Variants in SLC5A4 observed in about 807,000 individuals in gnomAD.
SLC5A4 encodes probable glucose sensor protein SLC5A4.
In SLC5A4, 55 loss-of-function variants were observed where a neutral mutation model predicts 70.3. The observed-to-expected ratio is 0.78, with a 90% CI of 0.63 to 0.98. The LOEUF (loss-of-function observed/expected upper bound fraction) is 0.98. Among genes scored for constraint, SLC5A4 ranks in the 50% least tolerant of loss-of-function variants. SLC5A4 has a pLI of 0.00. For missense variants in SLC5A4, 735 were observed against 839.2 expected (o/e 0.88, Z 1.53); for synonymous variants, 268 against 305.7 (o/e 0.88, Z 1.29).
chr22:32,252,045 C>T (rs765845549), intron 2 of SLC5A4, among the ~76,000 whole-genome samples, 171 bp from the exon 3 acceptor site: 10 of 151,768 alleles, frequency 6.6e-5, no homozygotes, highest in Non-Finnish European at 1.5e-4. Flanking sequence ...CTGGCTAACA[C>T]GGTGAGACCC....
At chr22:32,226,224 C>G (rs577867464) in intron 11 of SLC5A4, among the ~76,000 whole-genome samples, 4 of 152,248 alleles carry the variant, frequency 2.6e-5, no homozygotes, top group Admixed American at 2.6e-4. Flanking sequence ...TTGCAGGGAA[C>G]AAAGTTGGTT....
intron 7 of SLC5A4, among the ~76,000 whole-genome samples, chr22:32,235,539 C>T (rs1480188649): frequency 1.3e-5 from 2 of 152,166 alleles, no homozygotes; most frequent in Non-Finnish European, 2.9e-5. Context: ...CAGAGCTTGG[C>T]TCTTTTGATC....
At chr22:32,222,719 G>A (rs528500102) in intron 13 of SLC5A4, among the ~76,000 whole-genome samples, 1 of 152,140 alleles carries the variant, frequency 6.6e-6, no homozygotes, top group South Asian at 2.1e-4. Flanking sequence ...TGTATTTCAG[G>A]TTTCCCATCC....
At chr22:32,335,679 C>A in the SLC5A4 span, among the ~76,000 whole-genome samples, 1 of 152,192 alleles carries the variant, frequency 6.6e-6, no homozygotes, top group Non-Finnish European at 1.5e-5. Flanking sequence ...GGCCCCAGAG[C>A]CCATTGTTCC....
At chr22:32,348,932 A>G in the SLC5A4 span, among the ~76,000 whole-genome samples, 1 of 152,148 alleles carries the variant, frequency 6.6e-6, no homozygotes. Flanking sequence ...ATTTTCTTTC[A>G]GCTAAAAATA....
At chr22:32,236,575 A>T (rs1230489109) in intron 7 of SLC5A4, among the ~76,000 whole-genome samples, 3 of 152,208 alleles carry the variant, frequency 2.0e-5, no homozygotes, top group Non-Finnish European at 2.9e-5. Context: ...CCTTCATTTC[A>T]TAAAAATTCT....
At chr22:32,326,569 T>A in the SLC5A4 span, among the ~76,000 whole-genome samples, 1 of 152,146 alleles carries the variant, frequency 6.6e-6, no homozygotes, top group Non-Finnish European at 1.5e-5. Flanking sequence ...TCATAAATTT[T>A]TCTAAGGGAT....
chr22:32,316,621 T>C, the SLC5A4 span, among the ~76,000 whole-genome samples: 67 of 152,128 alleles, frequency 4.4e-4, 1 homozygote, highest in South Asian at 0.013. Context: ...CCTCTGCCTC[T>C]TGGGTTCAAG....
At position 32,231,086 on chromosome 22, in the gene SLC5A4, A is replaced by G. The variant is rs750674950; in HGVS notation, c.1022-11T>C. ...CACATGCTACCATATCTGGGGAAGAATTCAGAAGTGAGTCCAATGAGGCCC... is the reference window on the plus strand; with the variant it reads ...CACATGCTACCATATCTGGGGAAGAGTTCAGAAGTGAGTCCAATGAGGCCC... On this transcript the variant is annotated splice_polypyrimidine_tract_variant and intron_variant, in intron 9 of 14. Transcript: ENST00000266086. 1.0e-5 allele frequency: 16 copies of G among 1,576,980 alleles called. No individual in the cohort carries two copies. The Admixed American group carries it at 2.3e-4, about 23-fold the overall frequency.
At chr22:32,232,043 C>G (rs1925793707) in intron 9 of SLC5A4, among the ~76,000 whole-genome samples, 1 of 152,080 alleles carries the variant, frequency 6.6e-6, no homozygotes, top group African/African-American at 2.4e-5. Flanking sequence ...CCATGCCTAG[C>G]TACTTTATCT....
chr22:32,248,186 A>G (rs887171957), intron 4 of SLC5A4, among the ~76,000 whole-genome samples: 3 of 152,216 alleles, frequency 2.0e-5, no homozygotes, highest in African/African-American at 7.2e-5. Context: ...AAGAGAAAAA[A>G]TAAGTGAATA....
rs777001632 is a variant in SLC5A4 at position 32,251,825 on chromosome 22, C to G, written c.257G>C (p.Gly86Ala). 6.2e-7 allele frequency: 1 copy of G among 1,614,064 alleles called. No individual in the cohort carries two copies. ...TGAAGCTGCTCCTGTCCCAGCCAGC[C>G]CCACATAGTGGTTGCTGCCGATGTT... ...ASNIGSNHYV[G>A]LAGTGAASGV... The change falls in exon 3 of 15, where the codon GGG (glycine) becomes GCG (alanine). Residue 86 changes from glycine to alanine, a missense_variant. Transcript: ENST00000266086.
intron 1 of SLC5A4, 34 bp from the exon 2 acceptor site, chr22:32,254,247 C>T (rs750874541): frequency 1.9e-6 from 3 of 1,549,618 alleles, no homozygotes; most frequent in Non-Finnish European, 8.9e-7. Flanking sequence ...AGGGTCAAGC[C>T]CCAGCAAGTG....
At chr22:32,290,255 C>G in the SLC5A4 span, among the ~76,000 whole-genome samples, 1 of 152,134 alleles carries the variant, frequency 6.6e-6, no homozygotes, top group Non-Finnish European at 1.5e-5. Context: ...CCCTTGCCCC[C>G]ATCCCCTGAC....
chr22:32,224,600 T>G lies in SLC5A4; in HGVS notation c.1450-118A>C. 4 of 776,210 alleles carry G rather than the reference T, an allele frequency of 5.2e-6. No individual in the cohort carries two copies. The South Asian group carries it at 6.9e-5, about 13-fold the overall frequency. 48.1% of individuals were successfully genotyped at this position (776,210 alleles called of 1,614,324 possible). On this transcript the variant is annotated intron_variant, in intron 12 of 14. Transcript: ENST00000266086. The stretch of plus-strand genomic sequence containing the variant: ...GTTAAGGACCAACAAATGGCTAACC[T>G]TGGGCACAAGGTTACCGACATAGAG...
chr22:32,343,184 T>C, the SLC5A4 span: 1 of 152,234 alleles, frequency 6.6e-6, no homozygotes, highest in African/African-American at 2.4e-5. Flanking sequence ...TGGCAGGTGG[T>C]TTCACACCCC....
intron 5 of SLC5A4, among the ~76,000 whole-genome samples, chr22:32,239,572 ATATATATATTTATATATATATAAATTAT>A (rs1569375030): frequency 4.1e-5 from 1 of 24,140 alleles, no homozygotes; most frequent in African/African-American, 2.8e-4. Context: ...ATATATATTT[ATATATATATTTATATATATATAAATTAT>A]ATAAAATATA....
chr22:32,237,200 G>A (rs1397278561), intron 7 of SLC5A4, 44 bp downstream of exon 7: 15 of 1,392,138 alleles, frequency 1.1e-5, no homozygotes, highest in Non-Finnish European at 1.4e-5. Context: ...AACAAGTCCC[G>A]TGATTTCCAG....
At chr22:32,323,704 C>T in the SLC5A4 span, among the ~76,000 whole-genome samples, 1 of 152,166 alleles carries the variant, frequency 6.6e-6, no homozygotes, top group Non-Finnish European at 1.5e-5. Context: ...GCTTGGTTTC[C>T]CCCAGGAATG....
Sources: allele counts gnomAD v4.1 joint callset (sites outside exome capture counted in the v4.1 genomes callset), GRCh38; gene constraint gnomAD v4.1.1; transcripts MANE v1.5; gene names NCBI Gene and HGNC (gene_info 2026-07-23, HGNC 2026-07-21).